MED17: variants seen among roughly 807,000 people sequenced by gnomAD.
MED17 encodes mediator of RNA polymerase II transcription subunit 17.
Under a neutral mutation model 80.8 loss-of-function variants are expected in MED17, and 49 were observed. The observed-to-expected ratio is 0.61, with a 90% CI of 0.48 to 0.77. The LOEUF (loss-of-function observed/expected upper bound fraction) is 0.77. Among genes scored for constraint, MED17 ranks in the 30% least tolerant of loss-of-function variants. The probability of loss-of-function intolerance (pLI) is 0.00; values close to 1 mark genes in which losing one functional copy is unlikely to be tolerated. For synonymous variants in MED17, 281 were observed against 280.4 expected (o/e 1.00, Z -0.02); for missense variants, 718 against 787.0 (o/e 0.91, Z 1.05).
At chr11:93,800,276 C>A (rs1053705492) in intron 8 of MED17, among the ~76,000 whole-genome samples, 1 of 152,036 alleles carries the variant, frequency 6.6e-6, no homozygotes, top group Non-Finnish European at 1.5e-5. Context: ...CCCACTGGCT[C>A]TTCTCATTTC....
chr11:93,803,138 C>G (rs994670876), intron 9 of MED17, among the ~76,000 whole-genome samples: 2 of 152,124 alleles, frequency 1.3e-5, no homozygotes, highest in Non-Finnish European at 2.9e-5. Context: ...CACTACGATA[C>G]CCTTAGTTGC....
chr11:93,787,961 A>T (rs778195855), intron 1 of MED17, 40 bp from the exon 2 acceptor site: 6 of 1,566,966 alleles, frequency 3.8e-6, no homozygotes, highest in Non-Finnish European at 4.4e-6. Context: ...CAATGTAACG[A>T]ATACTTCTGT....
intron 1 of MED17, 187 bp downstream of exon 1, chr11:93,784,950 C>T: frequency 1.3e-6 from 1 of 790,164 alleles, no homozygotes; most frequent in Admixed American, 2.9e-5. Flanking sequence ...CACGACTTTA[C>T]GTAATACTCC....
In MED17 at chr11:93,789,481, C is replaced by CA. The variant is rs141372138; in HGVS notation, c.418-1089dup. 554 of 152,230 alleles carry CA rather than the reference C, an allele frequency of 3.6e-3. 4 individuals are homozygous for CA. Among genetic ancestry groups the CA allele is most frequent in the African/African-American group, 0.013 (538 of 41,536 alleles). 9.4% of individuals were successfully genotyped at this position (152,230 alleles called of 1,614,324 possible). On this transcript the variant is annotated intron_variant, in intron 2 of 11. Coordinates refer to ENST00000251871, the MANE Select transcript of MED17 (RefSeq NM_004268.5). ...TTTTATTTACGTTCCCTAATACAAT[C>CA]AAAAGATTATTTTGATATGTTTATG...
intron 2 of MED17, chr11:93,790,262 TA>T (rs1408139760): frequency 2.1e-6 from 1 of 478,078 alleles, no homozygotes; most frequent in Middle Eastern, 3.1e-4. Context: ...ATGTACAGGA[TA>T]GGGGGCTGGC....
Position 93,801,967 on chromosome 11 carries a change from A to T in MED17, c.1461A>T (p.Ile487=). ...VLITSQGYEQ[I]CKSIQLQLNI... ...TCACATCACAAGGCTATGAACAAAT[A>T]TGCAAGTAAGTGGCCAAAATAAAAG... Residue 487 remains isoleucine, a synonymous_variant, in exon 9 of 12, where the codon ATA becomes ATT. Transcript: ENST00000251871. 1 of 1,611,794 alleles carries T rather than the reference A, an allele frequency of 6.2e-7. No individual in the cohort carries two copies. The highest frequency in any genetic ancestry group is 8.5e-7 in the Non-Finnish European group (1 of 1,179,434).
At chr11:93,795,203 A>T (rs1943887244) in intron 6 of MED17, 143 bp downstream of exon 6, 2 of 908,604 alleles carry the variant, frequency 2.2e-6, no homozygotes, top group African/African-American at 1.6e-5. Flanking sequence ...CCAGTAAAGC[A>T]TGTAACACAA....
chr11:93,795,721 A>G (rs2135714296), intron 6 of MED17: 1 of 153,816 alleles, frequency 6.5e-6, no homozygotes, highest in South Asian at 2.0e-4. Context: ...TCTTAGAAGG[A>G]AGTAGGTTTT....
rs1295053916 is a variant in MED17, at chr11:93,793,864, G to C, written c.774G>C (p.Lys258Asn). The change falls in exon 4 of 12, where the codon AAG becomes AAC. Residue 258 changes from lysine to asparagine, a missense_variant and splice_region_variant. Lys to Asn is a moderately conservative substitution (Grantham distance 94, BLOSUM62 0). Coordinates refer to ENST00000251871, the MANE Select transcript of MED17 (RefSeq NM_004268.5). Reference sequence around the variant, plus strand: ...ATTTAGAGGGGTCTGCATATATCAAGGTATTTGTCAAAATATTTTTCAAGT... The same window carrying C: ...ATTTAGAGGGGTCTGCATATATCAACGTATTTGTCAAAATATTTTTCAAGT... ...PSDLEGSAYI[K>N]VSIQKQAPDI... is the part of the protein sequence containing the mutation. The C allele has an allele frequency of 6.2e-7, 1 of 1,613,394 alleles. No individual in the cohort carries two copies. Among genetic ancestry groups the C allele is most frequent in the African/African-American group, 1.3e-5 (1 of 74,868 alleles).
chr11:93,798,401 G>A (rs2094013825), intron 8 of MED17, among the ~76,000 whole-genome samples: 1 of 152,064 alleles, frequency 6.6e-6, no homozygotes, highest in African/African-American at 2.4e-5. Context: ...TACTTCATTT[G>A]TAATTATGCC....
intron 1 of MED17, among the ~76,000 whole-genome samples, chr11:93,787,552 A>G (rs1253227960): frequency 6.6e-6 from 1 of 152,212 alleles, no homozygotes; most frequent in Admixed American, 6.5e-5. Context: ...TGAACTCTAT[A>G]TAGTGAATGT....
chr11:93,806,503 A>G (rs1233816775), intron 9 of MED17: 1 of 152,164 alleles, frequency 6.6e-6, no homozygotes, highest in Non-Finnish European at 1.5e-5. Context: ...TGTGCTTGTT[A>G]TTTACTGGCT....
At chr11:93,789,916 G>C (rs942968805) in intron 2 of MED17, 1 of 154,136 alleles carries the variant, frequency 6.5e-6, no homozygotes, top group African/African-American at 2.4e-5. Context: ...CAAGATGGTG[G>C]TACTGCATTC....
At position 93,784,322 on chromosome 11, in the gene MED17, T is replaced by G; in HGVS notation, c.-192T>G. The stretch of plus-strand genomic sequence containing the variant: ...GACTTACCGAGGAGGGAGCTTGCGG[T>G]GCGTTCTGGGAAAGTTGCTGGGCCA... On this transcript the variant is annotated 5_prime_UTR_variant, in exon 1 of 12. Transcript: ENST00000251871. 1.4e-6 allele frequency: 1 copy of G among 709,002 alleles called. No individual in the cohort carries two copies. Among genetic ancestry groups the G allele is most frequent in the Non-Finnish European group, 2.2e-6 (1 of 448,992 alleles). The allele number at this position is 709,002 out of a possible 1,614,324, so 43.9% of individuals were successfully genotyped here. A position where few individuals can be genotyped will look rare whatever the true frequency, so the allele number is the denominator to read the frequency against.
chr11:93,803,638 T>A (rs957851994), intron 9 of MED17, among the ~76,000 whole-genome samples: 4 of 152,182 alleles, frequency 2.6e-5, no homozygotes, highest in Non-Finnish European at 4.4e-5. Context: ...TATTATTTAT[T>A]TGCCAGTAAG....
At position 93,802,570 on chromosome 11, in the gene MED17, G is replaced by T. The variant is rs527956367; in HGVS notation, c.1466+598G>T. Among the ~76,000 whole-genome samples, 10 of 152,296 alleles carry T rather than the reference G, an allele frequency of 6.6e-5. No individual in the cohort carries two copies. In the East Asian group the frequency reaches 1.9e-3, roughly 29 times the overall value. On this transcript the variant is annotated intron_variant, in intron 9 of 11. Coordinates refer to ENST00000251871, the MANE Select transcript of MED17 (RefSeq NM_004268.5). Reference sequence around the variant, plus strand: ...AATGAACCCCGGCACTGAGCAGAAGGCTGCCTTACCTTTTGAGATTCCAGG... The same window carrying T: ...AATGAACCCCGGCACTGAGCAGAAGTCTGCCTTACCTTTTGAGATTCCAGG...
At chr11:93,803,112 T>C (rs1943980117) in intron 9 of MED17, among the ~76,000 whole-genome samples, 1 of 152,188 alleles carries the variant, frequency 6.6e-6, no homozygotes, top group East Asian at 1.9e-4. Context: ...CCTGTGTAGC[T>C]GGGACTACAG....
Position 93,792,960 on chromosome 11 carries a change from A to C in MED17, c.638-768A>C, listed in dbSNP as rs547114802. Among the ~76,000 whole-genome samples the C allele has an allele frequency of 3.3e-5, 5 of 152,016 alleles. No homozygotes were observed. The East Asian group carries it at 7.8e-4, about 24-fold the overall frequency. ...TGTCTCTAAAAAGATAATAAAAAAT[A>C]AAAAATCTAGGAAACTGGTTGAAAA... On this transcript the variant is annotated intron_variant, in intron 3 of 11. Coordinates refer to ENST00000251871, the MANE Select transcript of MED17 (RefSeq NM_004268.5).
chr11:93,785,868 G>T (rs962566024), intron 1 of MED17, among the ~76,000 whole-genome samples: 1 of 152,128 alleles, frequency 6.6e-6, no homozygotes, highest in Admixed American at 6.6e-5. Flanking sequence ...GCTGGGCGTG[G>T]TGGTGCACGT....
Sources: allele counts gnomAD v4.1 joint callset (sites outside exome capture counted in the v4.1 genomes callset), GRCh38; gene constraint gnomAD v4.1.1; transcripts MANE v1.5; gene names NCBI Gene and HGNC (gene_info 2026-07-23, HGNC 2026-07-21).